The following ZC3H12C variants were observed in gnomAD, a reference collection of about 807,000 sequenced individuals.
ZC3H12C encodes probable ribonuclease ZC3H12C.
ZC3H12C carries 20 observed loss-of-function variants against 76.3 expected under a neutral mutation model. The ratio of observed to expected loss-of-function variants is 0.26; its 90% CI spans 0.18 to 0.38. The LOEUF is 0.38. Among genes scored for constraint, ZC3H12C ranks in the 10% least tolerant of loss-of-function variants. The pLI is 1.00. For missense variants in ZC3H12C, 874 were observed against 1,086.5 expected (o/e 0.80, Z 2.75); for synonymous variants, 352 against 399.6 (o/e 0.88, Z 1.42).
At chr11:110,135,083 C>T (rs116065152) in intron 1 of ZC3H12C, among the ~76,000 whole-genome samples, 3,205 of 152,206 alleles carry the variant, frequency 0.021, 101 homozygotes, top group African/African-American at 0.073. Flanking sequence ...AACATTTTCT[C>T]AGTTTTCTTT....
rs571252171 is a variant in ZC3H12C, at chr11:110,135,742, CA to C, written c.22-920del. ...GCAGATTAATGGCTAGTTAATCTGA[CA>C]TAATACAGGAGGATTTTCTGCCATA... On this transcript the variant is annotated intron_variant, in intron 1 of 5. Coordinates refer to ENST00000278590, the MANE Select transcript of ZC3H12C (RefSeq NM_033390.2). The C allele has an allele frequency of 3.2e-4, 49 of 151,698 alleles. 1 individual carries two copies. Among genetic ancestry groups the C allele is most frequent in the East Asian group, 3.1e-3 (16 of 5,166 alleles). 9.4% of individuals were successfully genotyped at this position (151,698 alleles called of 1,614,324 possible).
intron 1 of ZC3H12C, 102 bp downstream of exon 1, chr11:110,093,534 C>A: frequency 1.2e-6 from 1 of 819,524 alleles, no homozygotes; most frequent in Non-Finnish European, 1.6e-6. Flanking sequence ...GGGCGCCAGG[C>A]GGAGGGCGCC....
At chr11:110,135,580 C>T (rs1052066163) in intron 1 of ZC3H12C, among the ~76,000 whole-genome samples, 9 of 151,722 alleles carry the variant, frequency 5.9e-5, no homozygotes, top group Non-Finnish European at 1.0e-4. Flanking sequence ...TTTCCTAACC[C>T]ATTCCTAGTA....
At chr11:110,095,270 A>T (rs1045557467) in intron 1 of ZC3H12C, among the ~76,000 whole-genome samples, 1 of 152,224 alleles carries the variant, frequency 6.6e-6, no homozygotes, top group African/African-American at 2.4e-5. Context: ...TTGTTAATAG[A>T]AATTTTATGT....
chr11:110,118,012 T>C (rs1383234513), intron 1 of ZC3H12C, among the ~76,000 whole-genome samples: 1 of 127,846 alleles, frequency 7.8e-6, no homozygotes, highest in Admixed American at 8.3e-5. Flanking sequence ...ATTATATATA[T>C]ACACACACAC....
intron 1 of ZC3H12C, among the ~76,000 whole-genome samples, chr11:110,132,344 G>A (rs1180055188): frequency 6.6e-6 from 1 of 152,100 alleles, no homozygotes; most frequent in African/African-American, 2.4e-5. Context: ...TAAATTTCTA[G>A]TGAATAGCCA....
Position 110,165,223 on chromosome 11 carries a change from C to G in ZC3H12C, c.2138C>G (p.Ser713Cys), listed in dbSNP as rs775971849. 1.2e-6 allele frequency: 2 copies of G among 1,614,036 alleles called. No homozygotes were observed. The highest frequency in any genetic ancestry group is 1.7e-6 in the Non-Finnish European group (2 of 1,179,914). ...CACCTGGCTCTGCACCTGCCGCACT[C>G]CGCTGTGGGCGCCCGGTCCAGCTGT... ...LPHLALHLPH[S>C]AVGARSSCPG... The change falls in exon 6 of 6, where the codon TCC becomes TGC. Residue 713 changes from serine (S) to cysteine (C), a missense_variant. By Grantham distance (112) the Ser-to-Cys change is moderately radical. Around this residue, in one of 3 missense-constraint regions of ZC3H12C, gnomAD observed 395 missense variants for 434.4 expected, o/e 0.91. Coordinates refer to ENST00000278590, the MANE Select transcript of ZC3H12C (RefSeq NM_033390.2).
At chr11:110,123,964 C>T (rs12270223) in intron 1 of ZC3H12C, 160 of 152,422 alleles carry the variant, frequency 1.0e-3, no homozygotes, top group African/African-American at 3.4e-3. Flanking sequence ...AGTCCCAGGC[C>T]ATGCTGGAGG....
At position 110,164,081 on chromosome 11, in the gene ZC3H12C, AGAGCAAGACCCT is replaced by A. The variant is rs754844219; in HGVS notation, c.1256-258_1256-247del. ...CACCACTGCCCTCCACCTGGGTGAC[AGAGCAAGACCCT>A]GTCTCAAAAAAAAAAAAAAAGTTCT... On this transcript the variant is annotated intron_variant, in intron 5 of 5. Transcript: ENST00000278590. This position sits in a 1 kb window ranked among gnomAD's most constrained non-coding sequence, Gnocchi z 5.7. 2.6e-4 allele frequency among the ~76,000 whole-genome samples: 37 copies of A among 144,396 alleles called. No homozygotes were observed. The highest frequency in any genetic ancestry group is 3.4e-3 in the Middle Eastern group (1 of 290). 94.7% of individuals were successfully genotyped at this position (144,396 alleles called of 152,430 possible). A position where few individuals can be genotyped will look rare whatever the true frequency, so the allele number is the denominator to read the frequency against.
chr11:110,165,133 C>G lies in ZC3H12C; in HGVS notation c.2048C>G (p.Pro683Arg), dbSNP rs1243380628. Residue 683 changes from proline (P) to arginine (R), a missense_variant, in exon 6 of 6, where the codon CCC (proline) becomes CGC (arginine). Physicochemically the swap from Pro to Arg is moderately radical, Grantham distance 103. Transcript: ENST00000278590. ...PQPFLQNFHD[P>R]LTRGQSYSHE... ...CCGTTCCTGCAGAATTTCCACGACCCCTTAACCAGAGGGCAAAGTTACAGT... is the reference window on the plus strand; with the variant it reads ...CCGTTCCTGCAGAATTTCCACGACCGCTTAACCAGAGGGCAAAGTTACAGT... 3 of 1,613,840 alleles carry G rather than the reference C, an allele frequency of 1.9e-6. No individual in the cohort carries two copies. Among genetic ancestry groups the G allele is most frequent in the Non-Finnish European group, 2.5e-6 (3 of 1,179,902 alleles).
chr11:110,137,047 A>G lies in ZC3H12C; in HGVS notation c.406A>G (p.Ile136Val), dbSNP rs1591475799. Residue 136 changes from isoleucine (I) to valine (V), a missense_variant, in exon 2 of 6, where the codon ATT becomes GTT. Transcript: ENST00000278590. ...LEPHILKRNE[I>V]LQDFKPEESQ... is the part of the protein sequence containing the mutation. ...GCCTCACATACTCAAGCGCAATGAA[A>G]TTTTGCAAGACTTTAAACCTGAAGA... The G allele has an allele frequency of 3.1e-6, 5 of 1,613,712 alleles. No homozygotes were observed. The East Asian group carries it at 6.7e-5, about 22-fold the overall frequency.
In ZC3H12C at chr11:110,136,652, T is replaced by C; in HGVS notation, c.22-11T>C. 6.3e-7 allele frequency: 1 copy of C among 1,599,886 alleles called. No homozygotes were observed. ...ACTATGAAATTCTAAATATTTTACA[T>C]TTTTCTCTAGGAATACGGGGTGCTT... On this transcript the variant is annotated splice_polypyrimidine_tract_variant and intron_variant, in intron 1 of 5. Coordinates refer to ENST00000278590, the MANE Select transcript of ZC3H12C (RefSeq NM_033390.2).
chr11:110,158,190 T>A (rs372120268), intron 3 of ZC3H12C, among the ~76,000 whole-genome samples: 4 of 151,950 alleles, frequency 2.6e-5, no homozygotes, highest in South Asian at 4.2e-4. Context: ...ACAAAACAAG[T>A]CAATAGAGTT....
At chr11:110,153,946 A>G (rs1252381300) in intron 3 of ZC3H12C, among the ~76,000 whole-genome samples, 1 of 152,220 alleles carries the variant, frequency 6.6e-6, no homozygotes, top group Non-Finnish European at 1.5e-5. Context: ...TCAACATCCA[A>G]CCTTTCTTGT....
intron 1 of ZC3H12C, among the ~76,000 whole-genome samples, chr11:110,095,325 G>T (rs1861093832): frequency 6.6e-6 from 1 of 152,162 alleles, no homozygotes; most frequent in African/African-American, 2.4e-5. Context: ...CATTCTAGCA[G>T]ACCACAGTGG....
intron 1 of ZC3H12C, among the ~76,000 whole-genome samples, chr11:110,118,805 TTAAAA>T (rs548042578): frequency 7.9e-5 from 12 of 151,826 alleles, no homozygotes; most frequent in East Asian, 3.9e-4. Flanking sequence ...TCAAAAAAAA[TTAAAA>T]TAAAATAAAA....
chr11:110,163,413 T>G, intron 5 of ZC3H12C, 34 bp downstream of exon 5: 1 of 1,526,378 alleles, frequency 6.6e-7, no homozygotes, highest in Non-Finnish European at 9.0e-7. Flanking sequence ...GTATATGCCT[T>G]TAGAACACAA....
chr11:110,137,057 A>T lies in ZC3H12C; in HGVS notation c.416A>T (p.Asp139Val). 1.9e-6 allele frequency: 3 copies of T among 1,613,862 alleles called. No homozygotes were observed. The highest frequency in any genetic ancestry group is 2.5e-6 in the Non-Finnish European group (3 of 1,179,870). The change falls in exon 2 of 6, where the codon GAC becomes GTC. Residue 139 changes from aspartate (D) to valine (V), a missense_variant. Physicochemically the swap from Asp to Val is radical, Grantham distance 152. Coordinates refer to ENST00000278590, the MANE Select transcript of ZC3H12C (RefSeq NM_033390.2). ...HILKRNEILQ[D>V]FKPEESQTTS... is the part of the protein sequence containing the mutation. Reference sequence around the variant, plus strand: ...CTCAAGCGCAATGAAATTTTGCAAGACTTTAAACCTGAAGAGTCCCAGACT... The same window carrying T: ...CTCAAGCGCAATGAAATTTTGCAAGTCTTTAAACCTGAAGAGTCCCAGACT...
chr11:110,100,324 G>A (rs958487514), intron 1 of ZC3H12C, among the ~76,000 whole-genome samples: 21 of 151,508 alleles, frequency 1.4e-4, no homozygotes, highest in African/African-American at 5.1e-4. Flanking sequence ...GATTACAGGC[G>A]TGAGCCACTA....
Sources: allele counts gnomAD v4.1 joint callset (sites outside exome capture counted in the v4.1 genomes callset), GRCh38; gene constraint gnomAD v4.1.1; regional missense constraint gnomAD v4.1.1; non-coding constraint Gnocchi (gnomAD v3.1); transcripts MANE v1.5; gene names NCBI Gene and HGNC (gene_info 2026-07-23, HGNC 2026-07-21).